Variants in RTN1 observed in about 807,000 individuals in gnomAD.
RTN1 encodes reticulon-1.
Under a neutral mutation model 65.5 loss-of-function variants are expected in RTN1, and 25 were observed. That is an observed-to-expected ratio of 0.38 (90% confidence interval 0.28 to 0.53). The LOEUF (loss-of-function observed/expected upper bound fraction) is 0.53, where lower values mean the gene tolerates loss of function less well. RTN1 is among the 20% of genes least tolerant of loss of function. RTN1 has a pLI of 0.79. For synonymous variants in RTN1, 471 were observed against 447.6 expected (o/e 1.05, Z -0.66); for missense variants, 983 against 1,025.4 (o/e 0.96, Z 0.57).
chr14:59,665,451 T>C (rs1218021318), intron 3 of RTN1, among the ~76,000 whole-genome samples: 3 of 152,044 alleles, frequency 2.0e-5, no homozygotes, highest in Non-Finnish European at 4.4e-5. Context: ...GCATTAAACA[T>C]GGAAAGAAAC....
At chr14:59,804,584 GA>G (rs1185884813) in intron 1 of RTN1, among the ~76,000 whole-genome samples, 1 of 152,102 alleles carries the variant, frequency 6.6e-6, no homozygotes, top group Non-Finnish European at 1.5e-5. Flanking sequence ...CCTAGAGTCC[GA>G]AAAAGTCACT....
intron 3 of RTN1, among the ~76,000 whole-genome samples, chr14:59,645,832 C>A (rs1882883382): frequency 6.6e-6 from 1 of 152,202 alleles, no homozygotes; most frequent in Non-Finnish European, 1.5e-5. Flanking sequence ...CAGAGGCAGC[C>A]CAGCAGTTAA....
At chr14:59,761,951 T>C (rs548515252) in intron 1 of RTN1, among the ~76,000 whole-genome samples, 1 of 152,106 alleles carries the variant, frequency 6.6e-6, no homozygotes, top group Non-Finnish European at 1.5e-5. Flanking sequence ...CAAATGAGGA[T>C]GACAACTAAG....
At chr14:59,793,629 G>GCA (rs78727774) in intron 1 of RTN1, among the ~76,000 whole-genome samples, 1,622 of 144,716 alleles carry the variant, frequency 0.011, 11 homozygotes, top group East Asian at 0.019. Context: ...TCAATTACAG[G>GCA]CACACACCAC....
chr14:59,801,384 A>C (rs1403831860), intron 1 of RTN1, among the ~76,000 whole-genome samples: 1 of 152,250 alleles, frequency 6.6e-6, no homozygotes, highest in African/African-American at 2.4e-5. Context: ...AGGGGAGGAA[A>C]GATAAGAACT....
At chr14:59,658,399 G>A (rs1478389249) in intron 3 of RTN1, among the ~76,000 whole-genome samples, 1 of 152,232 alleles carries the variant, frequency 6.6e-6, no homozygotes, top group Non-Finnish European at 1.5e-5. Flanking sequence ...GGGACAGACT[G>A]CCTGCTCAAG....
At chr14:59,706,686 T>C (rs1469116668) in intron 3 of RTN1, among the ~76,000 whole-genome samples, 1 of 152,220 alleles carries the variant, frequency 6.6e-6, no homozygotes, top group Admixed American at 6.5e-5. Flanking sequence ...TGATTCTAAT[T>C]ACCTGACCTC....
intron 3 of RTN1, among the ~76,000 whole-genome samples, chr14:59,654,923 C>G (rs76377878): frequency 0.019 from 2,928 of 152,250 alleles, 83 homozygotes; most frequent in African/African-American, 0.065. Flanking sequence ...ATTGTCTATT[C>G]TCACAACTTC....
At chr14:59,785,927 C>A (rs1886241535) in intron 1 of RTN1, among the ~76,000 whole-genome samples, 1 of 152,146 alleles carries the variant, frequency 6.6e-6, no homozygotes, top group Non-Finnish European at 1.5e-5. Flanking sequence ...GGTTGAAACC[C>A]CAACAGTCAC....
At chr14:59,617,359 T>C (rs1288147971) in intron 3 of RTN1, among the ~76,000 whole-genome samples, 1 of 152,246 alleles carries the variant, frequency 6.6e-6, no homozygotes, top group Non-Finnish European at 1.5e-5. Context: ...TATAAACCCA[T>C]TGCTGGGCTC....
chr14:59,845,786 C>T (rs143106575), intron 1 of RTN1, among the ~76,000 whole-genome samples: 1 of 152,184 alleles, frequency 6.6e-6, no homozygotes, highest in East Asian at 1.9e-4. Context: ...CCCACTGAAC[C>T]CTTTCCCTAG....
At chr14:59,765,780 T>G (rs1885837572) in intron 1 of RTN1, among the ~76,000 whole-genome samples, 1 of 152,176 alleles carries the variant, frequency 6.6e-6, no homozygotes, top group Non-Finnish European at 1.5e-5. Flanking sequence ...TTTTTTTTTT[T>G]TAAACTCCTA....
In RTN1 at chr14:59,785,693, A is replaced by T. The variant is rs116665489; in HGVS notation, c.242-39212T>A. ...AGATTTTTAAAACTGCCACTGAAAA[A>T]GGTAAAACAACTTGCTTAAAGTCAT... On this transcript the variant is annotated intron_variant, in intron 1 of 8. Coordinates refer to ENST00000267484, the MANE Select transcript of RTN1 (RefSeq NM_021136.3). Among the ~76,000 whole-genome samples the T allele has an allele frequency of 8.5e-3, 1,292 of 152,318 alleles. 13 individuals carry two copies. Among genetic ancestry groups the T allele is most frequent in the African/African-American group, 0.03 (1,228 of 41,572 alleles).
chr14:59,726,861 T>TGCTCAGAGC, intron 3 of RTN1, 58 bp downstream of exon 3: 1 of 1,470,676 alleles, frequency 6.8e-7, no homozygotes, highest in East Asian at 2.4e-5. Context: ...CCCTGCTGAA[T>TGCTCAGAGC]GCTCAGAGCA....
At chr14:59,597,531 G>A (rs1881440451) in intron 8 of RTN1, among the ~76,000 whole-genome samples, 1 of 152,244 alleles carries the variant, frequency 6.6e-6, no homozygotes, top group African/African-American at 2.4e-5. Context: ...TCTGTGCCAT[G>A]AGGTACCCTT....
intron 1 of RTN1, among the ~76,000 whole-genome samples, chr14:59,787,224 G>A (rs1594743151): frequency 6.6e-6 from 1 of 152,116 alleles, no homozygotes. Flanking sequence ...GCCCCCCTAG[G>A]GGAGCTATGG....
chr14:59,658,494 G>A (rs1883173141), intron 3 of RTN1, among the ~76,000 whole-genome samples: 1 of 152,202 alleles, frequency 6.6e-6, no homozygotes, highest in African/African-American at 2.4e-5. Context: ...GCTCCAGCTG[G>A]CATCTGGTGG....
Position 59,749,300 on chromosome 14 carries a change from ATATATATC to A in RTN1, c.242-2827_242-2820del. On this transcript the variant is annotated intron_variant, in intron 1 of 8. Coordinates refer to ENST00000267484, the MANE Select transcript of RTN1 (RefSeq NM_021136.3). ...TATCTATATATATCTATATATATCT[ATATATATC>A]TATATATATATCTATATATCTATAT... Among the ~76,000 whole-genome samples, 116 of 62,232 alleles carry A rather than the reference ATATATATC, an allele frequency of 1.9e-3. 23 individuals carry two copies. Among genetic ancestry groups the A allele is most frequent in the African/African-American group, 0.012 (107 of 8,968 alleles). The allele number at this position is 62,232 out of a possible 152,430, so 40.8% of individuals were successfully genotyped here.
chr14:59,802,055 T>C (rs1340360857), intron 1 of RTN1, among the ~76,000 whole-genome samples: 2 of 152,212 alleles, frequency 1.3e-5, no homozygotes, highest in Non-Finnish European at 2.9e-5. Context: ...ATAGAGGAAA[T>C]TGTGAACATT....
Sources: gnomAD v4.1 joint callset for allele counts (sites outside exome capture counted in the v4.1 genomes callset) on GRCh38, gnomAD v4.1.1 for gene constraint, MANE v1.5 for transcripts, NCBI Gene and HGNC (gene_info 2026-07-23, HGNC 2026-07-21) for gene names.